Variants in PDLIM1 observed in about 807,000 individuals in gnomAD.
The protein encoded by PDLIM1 is PDZ and LIM domain protein 1.
Under a neutral mutation model 35.2 loss-of-function variants are expected in PDLIM1, and 25 were observed. The ratio of observed to expected loss-of-function variants is 0.71; its 90% CI spans 0.52 to 0.99. PDLIM1 has a LOEUF of 0.99. PDLIM1 is among the 50% of genes least tolerant of loss of function. The probability of loss-of-function intolerance (pLI) is 0.00; values close to 1 mark genes in which losing one functional copy is unlikely to be tolerated. For missense variants in PDLIM1, 363 were observed against 415.3 expected, an observed-to-expected ratio of 0.87 and a Z score of 1.09; for synonymous variants, 152 against 154.0, an observed-to-expected ratio of 0.99 and a Z score of 0.10.
At chr10:95,269,451 A>G (rs187037823) in intron 2 of PDLIM1, among the ~76,000 whole-genome samples, 1 of 152,048 alleles carries the variant, frequency 6.6e-6, no homozygotes, top group Non-Finnish European at 1.5e-5. Flanking sequence ...ATACGCCTAT[A>G]ATCCCAGCTA....
chr10:95,252,362 G>A (rs1302531202), intron 4 of PDLIM1, among the ~76,000 whole-genome samples: 2 of 152,186 alleles, frequency 1.3e-5, no homozygotes, highest in African/African-American at 4.8e-5. Flanking sequence ...GCAGAGTGGG[G>A]AAAGTGGACT....
In PDLIM1 at chr10:95,290,846, A is replaced by C. The variant is rs1175153617; in HGVS notation, c.70T>G (p.Phe24Val). The change falls in exon 1 of 7, where the codon TTC (phenylalanine) becomes GTC (valine). Residue 24 changes from phenylalanine to valine, a missense_variant. Physicochemically the swap from Phe to Val is conservative, Grantham distance 50. Transcript: ENST00000329399. This position sits in a 1 kb window ranked among gnomAD's most constrained non-coding sequence, Gnocchi z 4.7. ...WGFRLVGGKD[F>V]EQPLAISRVT... Reference sequence around the variant, plus strand: ...CGGGAAATGGCGAGAGGCTGCTCGAAGTCCTTGCCGCCCACGAGGCGGAAG... The same window carrying C: ...CGGGAAATGGCGAGAGGCTGCTCGACGTCCTTGCCGCCCACGAGGCGGAAG... 1 of 1,564,378 alleles carries C rather than the reference A, an allele frequency of 6.4e-7. No homozygotes were observed. The highest frequency in any genetic ancestry group is 8.7e-7 in the Non-Finnish European group (1 of 1,155,122).
chr10:95,288,509 T>C (rs961463093), intron 1 of PDLIM1, among the ~76,000 whole-genome samples: 2 of 151,924 alleles, frequency 1.3e-5, no homozygotes, highest in Non-Finnish European at 2.9e-5. Flanking sequence ...CACTCTCACA[T>C]ACCTTAACTC....
intron 1 of PDLIM1, among the ~76,000 whole-genome samples, chr10:95,273,770 GA>G (rs372542145): frequency 3.0e-4 from 45 of 152,238 alleles, no homozygotes; most frequent in African/African-American, 1.1e-3. Flanking sequence ...AGTCAACAAT[GA>G]GAGTTAGCTT....
chr10:95,266,307 T>C (rs908534289), intron 3 of PDLIM1, among the ~76,000 whole-genome samples: 2 of 152,150 alleles, frequency 1.3e-5, no homozygotes, highest in African/African-American at 2.4e-5. Flanking sequence ...AAATAAATAA[T>C]ATATAGTAAT....
chr10:95,241,988 TA>T (rs1252847509), intron 5 of PDLIM1, among the ~76,000 whole-genome samples: 1 of 152,192 alleles, frequency 6.6e-6, no homozygotes, highest in Non-Finnish European at 1.5e-5. Context: ...GAACTCTCAA[TA>T]GCCCTATCAT....
chr10:95,258,697 A>G (rs1466985628), intron 4 of PDLIM1, among the ~76,000 whole-genome samples: 1 of 152,194 alleles, frequency 6.6e-6, no homozygotes, highest in Non-Finnish European at 1.5e-5. Context: ...TTGTTTTTCA[A>G]TGGGTACAGA....
intron 4 of PDLIM1, 49 bp from the exon 5 acceptor site, chr10:95,247,415 A>ATTTT: frequency 6.7e-7 from 1 of 1,502,470 alleles, no homozygotes; most frequent in Non-Finnish European, 9.1e-7. Flanking sequence ...GAAGTTAAAA[A>ATTTT]TAACTTCACC....
chr10:95,272,997 G>A (rs1741952524), intron 1 of PDLIM1: 1 of 152,180 alleles, frequency 6.6e-6, no homozygotes, highest in African/African-American at 2.4e-5. Flanking sequence ...GATGCTATTA[G>A]AATGAACAAG....
At chr10:95,281,214 C>A (rs1370913487) in intron 1 of PDLIM1, among the ~76,000 whole-genome samples, 1 of 151,948 alleles carries the variant, frequency 6.6e-6, no homozygotes, top group Non-Finnish European at 1.5e-5. Context: ...CTATAAAATA[C>A]ATACAAAGCC....
rs1422551474 is a variant in PDLIM1 at position 95,290,182 on chromosome 10, AG to A, written c.96+637del. Among the ~76,000 whole-genome samples the A allele has an allele frequency of 1.3e-5, 2 of 152,188 alleles. No individual in the cohort carries two copies. The highest frequency in any genetic ancestry group is 2.9e-5 in the Non-Finnish European group (2 of 68,024). The stretch of plus-strand genomic sequence containing the variant: ...GGGAAAGAGATAATCTGGGAATGCT[AG>A]GAAGAATGACGGCGGGGCCACGTTC... On this transcript the variant is annotated intron_variant, in intron 1 of 6. Coordinates refer to ENST00000329399, the MANE Select transcript of PDLIM1 (RefSeq NM_020992.4). This position sits in a 1 kb window ranked among gnomAD's most constrained non-coding sequence, Gnocchi z 4.7.
At position 95,281,964 on chromosome 10, in the gene PDLIM1, T is replaced by C. The variant is rs76333160; in HGVS notation, c.96+8856A>G. On this transcript the variant is annotated intron_variant, in intron 1 of 6. Transcript: ENST00000329399. ...TTCCATGTTCCAATTTTTTGTTAAATCTTATATGTGTTCTTGTGTTTTAAA... is the reference window on the plus strand; with the variant it reads ...TTCCATGTTCCAATTTTTTGTTAAACCTTATATGTGTTCTTGTGTTTTAAA... Among the ~76,000 whole-genome samples the C allele has an allele frequency of 3.2e-3, 492 of 152,356 alleles. 5 individuals are homozygous for C. Among genetic ancestry groups the C allele is most frequent in the African/African-American group, 0.011 (463 of 41,588 alleles).
chr10:95,284,283 G>A (rs879652973), intron 1 of PDLIM1, among the ~76,000 whole-genome samples: 1 of 152,036 alleles, frequency 6.6e-6, no homozygotes, highest in Non-Finnish European at 1.5e-5. Context: ...AGAAGCATAA[G>A]TATTTTTTAT....
intron 1 of PDLIM1, among the ~76,000 whole-genome samples, chr10:95,287,054 G>A (rs1037211131): frequency 2.6e-5 from 4 of 152,188 alleles, no homozygotes; most frequent in Non-Finnish European, 5.9e-5. Flanking sequence ...AGTTTAGGGA[G>A]GGGAGACTAT....
At chr10:95,253,152 G>A (rs2035280845) in intron 4 of PDLIM1, among the ~76,000 whole-genome samples, 1 of 152,060 alleles carries the variant, frequency 6.6e-6, no homozygotes, top group Non-Finnish European at 1.5e-5. Flanking sequence ...TTATCTAGAG[G>A]GGAAAACCAA....
Position 95,290,059 on chromosome 10 carries a change from AG to A in PDLIM1, c.96+760del, listed in dbSNP as rs910696925. ...AACGTGAGTCCTTCTAAAGATCCGA[AG>A]CCCCTCTTAGATTTCAAGCACCTCA... On this transcript the variant is annotated intron_variant, in intron 1 of 6. Transcript: ENST00000329399. This position sits in a 1 kb window ranked among gnomAD's most constrained non-coding sequence, Gnocchi z 4.7. Among the ~76,000 whole-genome samples the A allele has an allele frequency of 6.6e-6, 1 of 152,140 alleles. No individual in the cohort carries two copies. Among genetic ancestry groups the A allele is most frequent in the Non-Finnish European group, 1.5e-5 (1 of 68,030 alleles).
intron 2 of PDLIM1, among the ~76,000 whole-genome samples, chr10:95,269,635 A>G (rs2035445930): frequency 6.6e-6 from 1 of 151,486 alleles, no homozygotes; most frequent in Admixed American, 6.6e-5. Flanking sequence ...TCTTTGTACC[A>G]ACCACAGAGC....
In PDLIM1 at chr10:95,238,676, T is replaced by G; in HGVS notation, c.695A>C (p.Asn232Thr). ...AACACTTCTGAATCCTGAGGGCTTG[T>G]TGGGATCCCCTGAAATGAGGAAAAC... is the stretch of plus-strand genomic sequence containing the variant. ...ILESEEKGDP[N>T]KPSGFRSVKA... Residue 232 changes from asparagine to threonine, a missense_variant, in exon 6 of 7, where the codon AAC becomes ACC. Physicochemically the swap from Asn to Thr is moderately conservative, Grantham distance 65 (BLOSUM62 0). Transcript: ENST00000329399. 6.2e-7 allele frequency: 1 copy of G among 1,609,764 alleles called. No individual in the cohort carries two copies. The highest frequency in any genetic ancestry group is 8.5e-7 in the Non-Finnish European group (1 of 1,176,046).
chr10:95,257,031 AAAG>A lies in PDLIM1; in HGVS notation c.533+6830_533+6832del, dbSNP rs1589510545. Among the ~76,000 whole-genome samples, 21 of 150,580 alleles carry A rather than the reference AAAG, an allele frequency of 1.4e-4. 1 individual carries two copies. In the South Asian group the frequency reaches 1.9e-3, roughly 14 times the overall value. On this transcript the variant is annotated intron_variant, in intron 4 of 6. Coordinates refer to ENST00000329399, the MANE Select transcript of PDLIM1 (RefSeq NM_020992.4). ...GAAAGAAAGAAAGAAAGAAAGAAAG[AAAG>A]AAAGAATTCAAAATAGATTAAAGAC...
Sources: gnomAD v4.1 joint callset for allele counts (sites outside exome capture counted in the v4.1 genomes callset) on GRCh38, gnomAD v4.1.1 for gene constraint, Gnocchi (gnomAD v3.1) non-coding constraint, MANE v1.5 for transcripts, NCBI Gene and HGNC (gene_info 2026-07-23, HGNC 2026-07-21) for gene names.